EXOC4: variants seen among roughly 807,000 people sequenced by gnomAD.
The protein encoded by EXOC4 is exocyst complex component 4, also known as SEC8-like 1.
In EXOC4, 71 loss-of-function variants were observed where a neutral mutation model predicts 107.2. The observed-to-expected ratio is 0.66, with a 90% confidence interval of 0.55 to 0.81. EXOC4 has a LOEUF of 0.81. Among genes scored for constraint, EXOC4 ranks in the 30% least tolerant of loss-of-function variants. EXOC4 has a pLI of 0.00. For synonymous variants in EXOC4, 456 were observed against 441.2 expected (o/e 1.03, Z -0.42); for missense variants, 1,108 against 1,189.6 (o/e 0.93, Z 1.01).
At chr7:134,072,432 G>A in the EXOC4 span, among the ~76,000 whole-genome samples, 1 of 152,130 alleles carries the variant, frequency 6.6e-6, no homozygotes, top group Non-Finnish European at 1.5e-5. Context: ...TCGCTGTATC[G>A]CCCAGCCTGG....
chr7:133,717,090 G>A (rs1355115695), intron 10 of EXOC4, among the ~76,000 whole-genome samples: 2 of 151,922 alleles, frequency 1.3e-5, no homozygotes, highest in Non-Finnish European at 2.9e-5. Flanking sequence ...AAAAAAATTG[G>A]TATCCCGAAT....
intron 7 of EXOC4, among the ~76,000 whole-genome samples, chr7:133,394,689 G>C (rs772739692): frequency 6.6e-6 from 1 of 152,066 alleles, no homozygotes; most frequent in Middle Eastern, 3.2e-3. Flanking sequence ...CATAATCAAA[G>C]AATTAAACAT....
At chr7:134,041,685 G>A (rs898652902) in intron 17 of EXOC4, among the ~76,000 whole-genome samples, 2 of 152,136 alleles carry the variant, frequency 1.3e-5, no homozygotes, top group East Asian at 1.9e-4. Context: ...ATTTAGATAA[G>A]TGCTGAGGGG....
At chr7:133,888,327 G>A (rs1799131521) in intron 11 of EXOC4, among the ~76,000 whole-genome samples, 1 of 152,090 alleles carries the variant, frequency 6.6e-6, no homozygotes, top group Admixed American at 6.6e-5. Flanking sequence ...TGTCAAGACT[G>A]GAAAAGTATT....
At chr7:133,911,733 T>A (rs1049309783) in intron 12 of EXOC4, among the ~76,000 whole-genome samples, 1 of 152,186 alleles carries the variant, frequency 6.6e-6, no homozygotes, top group South Asian at 2.1e-4. Flanking sequence ...CACCTACAGA[T>A]CCAACTATTT....
intron 17 of EXOC4, among the ~76,000 whole-genome samples, chr7:134,045,878 G>T (rs1017674773): frequency 2.0e-5 from 3 of 152,050 alleles, no homozygotes; most frequent in African/African-American, 7.2e-5. Context: ...ACAATATTTA[G>T]TCTTTTGCGG....
intron 10 of EXOC4, among the ~76,000 whole-genome samples, chr7:133,802,930 C>G (rs1796982672): frequency 6.7e-6 from 1 of 148,690 alleles, no homozygotes; most frequent in African/African-American, 2.5e-5. Flanking sequence ...ATATTGCTTC[C>G]AAAACAAGAT....
At chr7:133,962,138 T>C (rs2116840333) in intron 14 of EXOC4, among the ~76,000 whole-genome samples, 1 of 152,316 alleles carries the variant, frequency 6.6e-6, no homozygotes, top group African/African-American at 2.4e-5. Context: ...CACATCAAGG[T>C]GCTGCCACAG....
At chr7:133,318,428 G>A (rs1383395270) in intron 5 of EXOC4, among the ~76,000 whole-genome samples, 3 of 152,174 alleles carry the variant, frequency 2.0e-5, no homozygotes, top group Non-Finnish European at 2.9e-5. Context: ...TTTGTAACTG[G>A]GTTGGGGAAG....
rs528667546 is a variant in EXOC4, at chr7:133,772,160, T to C, written c.1515-45165T>C. Reference sequence around the variant, plus strand: ...ATATATGAGGCACGAGTTCAACAATTATACAGCCGTTCTGCACATTTATGT... The same window carrying C: ...ATATATGAGGCACGAGTTCAACAATCATACAGCCGTTCTGCACATTTATGT... On this transcript the variant is annotated intron_variant, in intron 10 of 17. Transcript: ENST00000253861. Among the ~76,000 whole-genome samples, 188 of 152,024 alleles carry C rather than the reference T, an allele frequency of 1.2e-3. 1 individual carries two copies. Among genetic ancestry groups the C allele is most frequent in the Middle Eastern group, 3.4e-3 (1 of 294 alleles).
At chr7:133,313,255 T>G (rs1159360633) in intron 4 of EXOC4, among the ~76,000 whole-genome samples, 1 of 152,058 alleles carries the variant, frequency 6.6e-6, no homozygotes, top group Non-Finnish European at 1.5e-5. Flanking sequence ...TCTTTTTTAC[T>G]TTTATACCCT....
chr7:133,870,630 C>G (rs1234958355), intron 11 of EXOC4, among the ~76,000 whole-genome samples: 1 of 152,122 alleles, frequency 6.6e-6, no homozygotes, highest in Non-Finnish European at 1.5e-5. Context: ...CCTGTGAGTA[C>G]AAATCTCAGT....
At chr7:133,627,619 A>G (rs1294494007) in intron 9 of EXOC4, among the ~76,000 whole-genome samples, 1 of 152,156 alleles carries the variant, frequency 6.6e-6, no homozygotes, top group Non-Finnish European at 1.5e-5. Flanking sequence ...TAAAGAAGTT[A>G]TATTTATTTA....
At chr7:134,014,958 A>G (rs2116386275) in intron 17 of EXOC4, among the ~76,000 whole-genome samples, 1 of 152,334 alleles carries the variant, frequency 6.6e-6, no homozygotes, top group East Asian at 1.9e-4. Context: ...GTAGAAGATA[A>G]AGGAAGAATT....
chr7:133,940,713 G>A (rs959117765), intron 14 of EXOC4, among the ~76,000 whole-genome samples: 7 of 152,106 alleles, frequency 4.6e-5, no homozygotes, highest in Non-Finnish European at 7.3e-5. Context: ...TCTGATAATG[G>A]CTTACTTTGA....
At chr7:133,549,796 T>C (rs1800552082) in intron 9 of EXOC4, among the ~76,000 whole-genome samples, 1 of 152,228 alleles carries the variant, frequency 6.6e-6, no homozygotes, top group Admixed American at 6.5e-5. Flanking sequence ...AGATGTCATG[T>C]TGAAATCTGG....
At chr7:133,541,599 A>T (rs1439254634) in intron 9 of EXOC4, among the ~76,000 whole-genome samples, 1 of 152,146 alleles carries the variant, frequency 6.6e-6, no homozygotes, top group East Asian at 1.9e-4. Context: ...TCCTGGGCAC[A>T]AATGATCCTC....
chr7:133,578,677 A>G (rs995629050), intron 9 of EXOC4, among the ~76,000 whole-genome samples: 2 of 152,186 alleles, frequency 1.3e-5, no homozygotes, highest in Admixed American at 1.3e-4. Context: ...TTAGTTTTAT[A>G]AAACAGTTGG....
At chr7:133,870,553 G>A (rs1798730357) in intron 11 of EXOC4, among the ~76,000 whole-genome samples, 1 of 152,142 alleles carries the variant, frequency 6.6e-6, no homozygotes, top group Non-Finnish European at 1.5e-5. Flanking sequence ...TTACACAGTT[G>A]ATTATTGTGG....
Sources: allele counts gnomAD v4.1 joint callset (sites outside exome capture counted in the v4.1 genomes callset), GRCh38; gene constraint gnomAD v4.1.1; transcripts MANE v1.5; gene names NCBI Gene and HGNC (gene_info 2026-07-23, HGNC 2026-07-21).